Variants in IPPK observed in about 807,000 individuals in gnomAD.
IPPK encodes the protein inositol-pentakisphosphate 2-kinase, also known as IPK1 homolog.
A neutral mutation model predicts 64.6 loss-of-function variants in IPPK; 22 were observed. The observed-to-expected ratio is 0.34, with a 90% CI of 0.24 to 0.49. IPPK has a LOEUF of 0.49. Ranked by LOEUF, IPPK falls within the 20% of genes least tolerant of loss-of-function variation. The probability of loss-of-function intolerance (pLI) is 0.99; values close to 1 mark genes in which losing one functional copy is unlikely to be tolerated. For synonymous variants in IPPK, 262 were observed against 247.2 expected, an observed-to-expected ratio of 1.06 and a Z score of -0.56; for missense variants, 532 against 630.7, an observed-to-expected ratio of 0.84 and a Z score of 1.68.
chr9:92,643,539 AG>A (rs1242060411), intron 6 of IPPK, among the ~76,000 whole-genome samples: 1 of 152,174 alleles, frequency 6.6e-6, no homozygotes, highest in African/African-American at 2.4e-5. Flanking sequence ...AATTTATTCA[AG>A]GAAAAAAGCA....
intron 12 of IPPK, chr9:92,618,322 T>C (rs1468398569): frequency 2.2e-6 from 1 of 456,744 alleles, no homozygotes; most frequent in East Asian, 6.9e-5. Context: ...TAGTGTCGTT[T>C]CTGCTGAGCA....
chr9:92,624,172 CAA>C (rs952187641), intron 11 of IPPK, among the ~76,000 whole-genome samples: 1 of 151,962 alleles, frequency 6.6e-6, no homozygotes, highest in Non-Finnish European at 1.5e-5. Context: ...TGCATCTCTA[CAA>C]AACATTTAAG....
chr9:92,660,815 T>C (rs538027402), intron 1 of IPPK, among the ~76,000 whole-genome samples: 3 of 152,266 alleles, frequency 2.0e-5, no homozygotes, highest in Non-Finnish European at 2.9e-5. Flanking sequence ...AAATTTCCTA[T>C]GCATTATTAT....
chr9:92,618,546 TGGTATCTTCGTG>T (rs757996413), intron 12 of IPPK: 1 of 456,652 alleles, frequency 2.2e-6, no homozygotes. Context: ...TGCTGAACAG[TGGTATCTTCGTG>T]GGTTTTCTCT....
intron 1 of IPPK, among the ~76,000 whole-genome samples, chr9:92,659,906 T>C (rs1001221760): frequency 2.0e-5 from 3 of 152,048 alleles, no homozygotes; most frequent in African/African-American, 7.2e-5. Flanking sequence ...GTGCTGCAGA[T>C]AGCTGTCCCC....
At chr9:92,650,025 CAA>C (rs976792024) in intron 4 of IPPK, among the ~76,000 whole-genome samples, 15 of 68,698 alleles carry the variant, frequency 2.2e-4, no homozygotes, top group Non-Finnish European at 2.3e-4. Flanking sequence ...GACTCTGTCT[CAA>C]AAAAAAAAAA....
chr9:92,655,806 A>G (rs936458716), intron 3 of IPPK, among the ~76,000 whole-genome samples: 3 of 152,174 alleles, frequency 2.0e-5, no homozygotes, highest in African/African-American at 7.2e-5. Flanking sequence ...CAACATCACA[A>G]CAGTGCAGTG....
At chr9:92,665,598 A>G (rs1027444754) in intron 1 of IPPK, among the ~76,000 whole-genome samples, 11 of 152,272 alleles carry the variant, frequency 7.2e-5, no homozygotes, top group Non-Finnish European at 1.6e-4. Context: ...AACAAAAAAA[A>G]GTAAAAGTGA....
chr9:92,650,025 C>CA (rs976792024), intron 4 of IPPK, among the ~76,000 whole-genome samples: 4,260 of 68,600 alleles, frequency 0.062, 118 homozygotes, highest in South Asian at 0.18. Flanking sequence ...GACTCTGTCT[C>CA]AAAAAAAAAA....
At chr9:92,628,333 T>C (rs1028265348) in intron 11 of IPPK, among the ~76,000 whole-genome samples, 1 of 152,190 alleles carries the variant, frequency 6.6e-6, no homozygotes, top group African/African-American at 2.4e-5. Flanking sequence ...CTAAAATTCA[T>C]ATGGAATTAC....
chr9:92,670,077 T>C lies in IPPK; in HGVS notation c.-89A>G. The stretch of plus-strand genomic sequence containing the variant: ...CCTCGCTGGGAACCAGCCGCTGCGG[T>C]CGGGGGAGGAGCGCCTGTCAGCTGC... On this transcript the variant is annotated 5_prime_UTR_variant, in exon 1 of 13. Coordinates refer to ENST00000287996, the MANE Select transcript of IPPK (RefSeq NM_022755.6). The C allele has an allele frequency of 1.1e-6, 1 of 951,412 alleles. No individual in the cohort carries two copies. Among genetic ancestry groups the C allele is most frequent in the Non-Finnish European group, 1.5e-6 (1 of 645,640 alleles). The allele number at this position is 951,412 out of a possible 1,614,324, so 58.9% of individuals were successfully genotyped here. A position where few individuals can be genotyped will look rare whatever the true frequency, so the allele number is the denominator to read the frequency against.
chr9:92,632,190 A>G (rs1290198590), intron 11 of IPPK, among the ~76,000 whole-genome samples: 4 of 152,212 alleles, frequency 2.6e-5, no homozygotes, highest in African/African-American at 9.7e-5. Flanking sequence ...ACATTTCTGT[A>G]CAGGTTTTTT....
chr9:92,628,751 C>T (rs574137251), intron 11 of IPPK, among the ~76,000 whole-genome samples: 8 of 152,218 alleles, frequency 5.3e-5, no homozygotes, highest in African/African-American at 1.9e-4. Flanking sequence ...GTGGCACATG[C>T]CTGTAGTCCC....
In IPPK at chr9:92,646,748, G is replaced by A. The variant is rs556086281; in HGVS notation, c.504+1311C>T. On this transcript the variant is annotated intron_variant, in intron 6 of 12. Coordinates refer to ENST00000287996, the MANE Select transcript of IPPK (RefSeq NM_022755.6). ...CGAGGCAGGTGGATCACGAGGTCAG[G>A]AGATTGAAACCATCCTGACTAACAT... 9.2e-5 allele frequency among the ~76,000 whole-genome samples: 14 copies of A among 152,196 alleles called. No homozygotes were observed. The East Asian group carries it at 1.4e-3, about 15-fold the overall frequency.
chr9:92,632,467 T>C (rs1851862877), intron 11 of IPPK, among the ~76,000 whole-genome samples: 1 of 152,322 alleles, frequency 6.6e-6, no homozygotes, highest in East Asian at 1.9e-4. Context: ...GGTTAAAAGA[T>C]TAAAGTAAAA....
intron 11 of IPPK, among the ~76,000 whole-genome samples, chr9:92,625,858 A>C (rs780570212): frequency 1.3e-5 from 2 of 152,252 alleles, no homozygotes; most frequent in Non-Finnish European, 2.9e-5. Flanking sequence ...ATTAAGATCA[A>C]ACAAATCAAC....
Position 92,656,474 on chromosome 9 carries a change from C to A in IPPK, c.207G>T (p.Glu69Asp). Residue 69 changes from glutamate to aspartate, a missense_variant, in exon 3 of 13, where the codon GAG becomes GAT. Physicochemically the swap from Glu to Asp is conservative, Grantham distance 45 (BLOSUM62 2). Coordinates refer to ENST00000287996, the MANE Select transcript of IPPK (RefSeq NM_022755.6). ...GKNVMKEFLGENYVHYGEVVQ... is the reference protein window; with the variant it reads ...GKNVMKEFLGDNYVHYGEVVQ... ...CACTTACCCCATAATGAACATAGTT[C>A]TCCCCCAAAAACTCCTTCATGACAT... 6.2e-7 allele frequency: 1 copy of A among 1,611,188 alleles called. No homozygotes were observed. The highest frequency in any genetic ancestry group is 2.2e-5 in the East Asian group (1 of 44,864).
rs111887423 is a variant in IPPK, at chr9:92,635,715, C to CTT, written c.917-409_917-408dup. Among the ~76,000 whole-genome samples, 3 of 145,688 alleles carry CTT rather than the reference C, an allele frequency of 2.1e-5. No individual in the cohort carries two copies. Among genetic ancestry groups the CTT allele is most frequent in the African/African-American group, 7.5e-5 (3 of 40,024 alleles). On this transcript the variant is annotated intron_variant, in intron 9 of 12. Transcript: ENST00000287996. The surrounding 1 kb of genome is among the most constrained non-coding windows in gnomAD (Gnocchi z 4.4). Reference sequence around the variant, plus strand: ...TCACAAAATTTCTTCTTTTTCTTTTCTTTTTTTTTTTTGAGACAGAGTCTT... The same window carrying CTT: ...TCACAAAATTTCTTCTTTTTCTTTTCTTTTTTTTTTTTTTGAGACAGAGTCTT...
At chr9:92,622,877 T>C (rs1383372242) in intron 11 of IPPK, among the ~76,000 whole-genome samples, 1 of 152,206 alleles carries the variant, frequency 6.6e-6, no homozygotes, top group Non-Finnish European at 1.5e-5. Context: ...AAGCTTGTTA[T>C]GACTCTGTAG....
Sources: allele counts gnomAD v4.1 joint callset (sites outside exome capture counted in the v4.1 genomes callset), GRCh38; gene constraint gnomAD v4.1.1; non-coding constraint Gnocchi (gnomAD v3.1); transcripts MANE v1.5; gene names NCBI Gene and HGNC (gene_info 2026-07-23, HGNC 2026-07-21).